FRMD7: variants seen among roughly 807,000 people sequenced by gnomAD.
FRMD7 encodes FERM domain containing 7.
FRMD7 carries 14 observed loss-of-function variants against 44.1 expected under a neutral mutation model. That is an observed-to-expected ratio of 0.32 (90% CI 0.21 to 0.50). The LOEUF (loss-of-function observed/expected upper bound fraction) is 0.50, where lower values mean the gene tolerates loss of function less well. Ranked by LOEUF, FRMD7 falls within the 20% of genes least tolerant of loss-of-function variation. The pLI is 0.99. For synonymous variants in FRMD7, 212 were observed against 187.4 expected (o/e 1.13, Z -1.07); for missense variants, 501 against 522.3 (o/e 0.96, Z 0.40).
At chrX:132,122,020 TG>T (rs778934311) in intron 1 of FRMD7, among the ~76,000 whole-genome samples, 1 of 111,106 alleles carries the variant, frequency 9.0e-6, no homozygotes, top group Non-Finnish European at 1.9e-5. Context: ...AGCGCAGAAA[TG>T]GGGGAGCACA....
intron 1 of FRMD7, among the ~76,000 whole-genome samples, chrX:132,112,330 T>C (rs1928797771): frequency 9.0e-6 from 1 of 111,384 alleles, no homozygotes; most frequent in Admixed American, 9.6e-5. Flanking sequence ...CTGCAGGCAG[T>C]CTAACCTTTT....
intron 1 of FRMD7, among the ~76,000 whole-genome samples, chrX:132,111,497 TCCCTTTTGTAACTTA>T (rs999350770): frequency 5.4e-5 from 6 of 111,876 alleles, no homozygotes; most frequent in Non-Finnish European, 1.1e-4. Context: ...CCATGTATTA[TCCCTTTTGTAACTTA>T]CCCCAATCAC....
At chrX:132,084,988 C>T (rs1291549882) in intron 7 of FRMD7, among the ~76,000 whole-genome samples, 1 of 111,758 alleles carries the variant, frequency 8.9e-6, no homozygotes, top group Non-Finnish European at 1.9e-5. Flanking sequence ...CACATCATGG[C>T]CATATCTTGC....
intron 3 of FRMD7, among the ~76,000 whole-genome samples, chrX:132,098,208 T>C (rs1414488592): frequency 1.8e-5 from 2 of 112,425 alleles, no homozygotes; most frequent in East Asian, 5.5e-4. Flanking sequence ...GATGTGCTTA[T>C]ATAAGAAAAT....
In FRMD7 at chrX:132,094,073, A is replaced by G. The variant is rs773461941; in HGVS notation, c.351T>C (p.Cys117=). 1 of 1,177,053 alleles carries G rather than the reference A, an allele frequency of 8.5e-7. No individual in the cohort carries two copies. Among genetic ancestry groups the G allele is most frequent in the Non-Finnish European group, 1.2e-6 (1 of 863,777 alleles). Reference sequence around the variant, plus strand: ...AGATGTGAGATACCATCAACGCTGTACAGTTGTCACTGCATGGAAGCCTTC... The same window carrying G: ...AGATGTGAGATACCATCAACGCTGTGCAGTTGTCACTGCATGGAAGCCTTC... ...ALGRLPCSDN[C]TALMVSHILQ... Residue 117 remains cysteine (C), a synonymous_variant, in exon 5 of 12, where the codon TGT becomes TGC. Coordinates refer to ENST00000298542, the MANE Select transcript of FRMD7 (RefSeq NM_194277.3).
intron 5 of FRMD7, among the ~76,000 whole-genome samples, chrX:132,090,177 G>A (rs1449447583): frequency 9.0e-6 from 1 of 111,483 alleles, no homozygotes; most frequent in Non-Finnish European, 1.9e-5. Flanking sequence ...AGGAGTTCGA[G>A]ACCAGCCTGA....
chrX:132,090,914 A>G (rs1928149811), intron 5 of FRMD7, among the ~76,000 whole-genome samples: 1 of 111,185 alleles, frequency 9.0e-6, no homozygotes, highest in Admixed American at 9.5e-5. Flanking sequence ...AAATAGCTCC[A>G]GTAACAGAAG....
At chrX:132,093,892 C>T (rs1478745945) in intron 5 of FRMD7, 150 bp downstream of exon 5, 3 of 493,894 alleles carry the variant, frequency 6.1e-6, no homozygotes, top group African/African-American at 4.7e-5. Flanking sequence ...AACTCAGGCT[C>T]AGGCCATGCT....
Position 132,078,310 on chromosome X carries a change from C to T in FRMD7, c.1707G>A (p.Glu569=). The part of the protein sequence containing the change: ...GRSNINVGLE[E]EDPNLEDAFV... ...ATGCATCTTCCAAATTTGGGTCTTC[C>T]TCTTCTAGACCTACATTGATGTTGC... is the stretch of plus-strand genomic sequence containing the variant. The change falls in exon 12 of 12, where the codon GAG becomes GAA. Residue 569 remains glutamate (E), a synonymous_variant. Coordinates refer to ENST00000298542, the MANE Select transcript of FRMD7 (RefSeq NM_194277.3). 8 of 1,211,787 alleles carry T rather than the reference C, an allele frequency of 6.6e-6. No homozygotes were observed. The highest frequency in any genetic ancestry group is 8.9e-6 in the Non-Finnish European group (8 of 895,362).
In FRMD7 at chrX:132,127,829, C is replaced by T; in HGVS notation, c.16G>A (p.Val6Met). Reference protein sequence around the residue: MLHLKVQFLDDSQKIF... With the variant: MLHLKMQFLDDSQKIF... ...TTCTGGGAATCATCCAAAAACTGCA[C>T]TTTTAAATGTAGCATTCTCAGCGAG... is the stretch of plus-strand genomic sequence containing the variant. The change falls in exon 1 of 12, where the codon GTG becomes ATG. Residue 6 changes from valine (V) to methionine (M), a missense_variant. This residue lies in a region of FRMD7 where 24 missense variants were observed against 21.6 expected (regional missense o/e 1.11). Coordinates refer to ENST00000298542, the MANE Select transcript of FRMD7 (RefSeq NM_194277.3). 9.1e-6 allele frequency: 11 copies of T among 1,209,547 alleles called. No homozygotes were observed. The highest frequency in any genetic ancestry group is 1.2e-5 in the Non-Finnish European group (11 of 893,489).
intron 1 of FRMD7, among the ~76,000 whole-genome samples, chrX:132,109,605 T>C (rs1393365380): frequency 7.2e-5 from 8 of 111,358 alleles, no homozygotes; most frequent in Non-Finnish European, 1.5e-4. Flanking sequence ...AAGGAACACA[T>C]AGGCTGGCAG....
intron 5 of FRMD7, among the ~76,000 whole-genome samples, chrX:132,088,942 T>G (rs1168389068): frequency 2.7e-5 from 3 of 112,229 alleles, no homozygotes; most frequent in Non-Finnish European, 1.9e-5. Flanking sequence ...ATAAATTCAA[T>G]GCAATCCCCA....
chrX:132,123,017 A>T (rs778011350), intron 1 of FRMD7, among the ~76,000 whole-genome samples: 1 of 111,456 alleles, frequency 9.0e-6, no homozygotes, highest in Non-Finnish European at 1.9e-5. Flanking sequence ...ACTTAGATTG[A>T]CCCTTTTGTT....
intron 1 of FRMD7, among the ~76,000 whole-genome samples, chrX:132,116,042 C>T (rs1309304650): frequency 2.7e-5 from 3 of 111,618 alleles, no homozygotes; most frequent in Non-Finnish European, 3.8e-5. Context: ...AAAATTATTA[C>T]TCTAACACAT....
At chrX:132,095,494 A>G (rs1435102594) in intron 4 of FRMD7, among the ~76,000 whole-genome samples, 1 of 112,178 alleles carries the variant, frequency 8.9e-6, no homozygotes, top group Non-Finnish European at 1.9e-5. Flanking sequence ...TTTTTTTAAA[A>G]CCAATTAAGC....
rs1246916117 is a variant in FRMD7, at chrX:132,077,221, C to G, written c.*651G>C. 1 of 111,346 alleles carries G rather than the reference C, an allele frequency of 9.0e-6. No homozygotes were observed. Among genetic ancestry groups the G allele is most frequent in the South Asian group, 3.7e-4 (1 of 2,684 alleles). 9.2% of individuals were successfully genotyped at this position (111,346 alleles called of 1,213,427 possible). A position where few individuals can be genotyped will look rare whatever the true frequency, so the allele number is the denominator to read the frequency against. Reference sequence around the variant, plus strand: ...ATACTTTCATCTGGTTTATGTCTGGCTCTAGAAATTGATTTAATTCATGAA... The same window carrying G: ...ATACTTTCATCTGGTTTATGTCTGGGTCTAGAAATTGATTTAATTCATGAA... On this transcript the variant is annotated 3_prime_UTR_variant, in exon 12 of 12. Coordinates refer to ENST00000298542, the MANE Select transcript of FRMD7 (RefSeq NM_194277.3).
intron 4 of FRMD7, among the ~76,000 whole-genome samples, chrX:132,096,323 G>C (rs746472053): frequency 1.1e-5 from 1 of 92,505 alleles, no homozygotes; most frequent in Non-Finnish European, 2.2e-5. Context: ...GCAACCTTCT[G>C]TGATCTTGGA....
Position 132,077,659 on chromosome X carries a change from G to A in FRMD7, c.*213C>T, listed in dbSNP as rs2124205440. The A allele has an allele frequency of 2.1e-6, 1 of 474,917 alleles. No homozygotes were observed. Among genetic ancestry groups the A allele is most frequent in the East Asian group, 3.8e-5 (1 of 26,000 alleles). The allele number at this position is 474,917 out of a possible 1,213,427, so 39.1% of individuals were successfully genotyped here. ...CTTGCCACAGTGCTGGTGAGGAGAG[G>A]GCATGTTCTAAAGTCCCTTCAGAGG... On this transcript the variant is annotated 3_prime_UTR_variant, in exon 12 of 12. Coordinates refer to ENST00000298542, the MANE Select transcript of FRMD7 (RefSeq NM_194277.3).
rs773529900 is a variant in FRMD7, at chrX:132,082,369, C to T, written c.899G>A (p.Arg300His). 32 of 1,207,158 alleles carry T rather than the reference C, an allele frequency of 2.7e-5. No homozygotes were observed. The highest frequency in any genetic ancestry group is 5.3e-5 in the African/African-American group (3 of 57,091). Residue 300 changes from arginine (R) to histidine (H), a missense_variant, in exon 9 of 12, where the codon CGC (arginine) becomes CAC (histidine). Arg to His is a conservative substitution (Grantham distance 29). Coordinates refer to ENST00000298542, the MANE Select transcript of FRMD7 (RefSeq NM_194277.3). ...ATGTGCATTGTTTAATTACCTATAG[C>T]GGAAACTGGAACCCTTGCTGCAGAG... ...TLLCSKGSSF[R>H]YSGRTQRQLL... is the part of the protein sequence containing the mutation.
Sources: gnomAD v4.1 joint callset for allele counts (sites outside exome capture counted in the v4.1 genomes callset) on GRCh38, gnomAD v4.1.1 for gene constraint, gnomAD v4.1.1 regional missense constraint, MANE v1.5 for transcripts, NCBI Gene and HGNC (gene_info 2026-07-23, HGNC 2026-07-21) for gene names.